Variants in NBAS observed in about 807,000 individuals in gnomAD.
The protein encoded by NBAS is NBAS subunit of NRZ tethering complex.
NBAS carries 219 observed loss-of-function variants against 302.5 expected under a neutral mutation model. The observed-to-expected ratio is 0.72, with a 90% CI of 0.65 to 0.81. The LOEUF (loss-of-function observed/expected upper bound fraction) is 0.81, where lower values mean the gene tolerates loss of function less well. Ranked by LOEUF, NBAS falls within the 30% of genes least tolerant of loss-of-function variation. The pLI is 0.00. For missense variants in NBAS, 2,932 were observed against 2,841.6 expected (o/e 1.03, Z -0.72); for synonymous variants, 1,118 against 1,021.6 (o/e 1.09, Z -1.80).
At chr2:15,219,126 C>T (rs1329736654) in intron 47 of NBAS, among the ~76,000 whole-genome samples, 158 bp from the exon 48 acceptor site, 8 of 152,054 alleles carry the variant, frequency 5.3e-5, no homozygotes, top group Non-Finnish European at 1.2e-4. Context: ...TGGCTTACAG[C>T]GAACTGTATT....
chr2:15,123,495 G>A, the NBAS span, among the ~76,000 whole-genome samples: 1 of 152,176 alleles, frequency 6.6e-6, no homozygotes, highest in Non-Finnish European at 1.5e-5. Context: ...GAACATTTGT[G>A]GTTCTCAATG....
At chr2:15,079,546 C>A in the NBAS span, among the ~76,000 whole-genome samples, 3 of 152,122 alleles carry the variant, frequency 2.0e-5, no homozygotes, top group African/African-American at 7.2e-5. Context: ...CACTGCTAAC[C>A]CAAACCTCTT....
intron 30 of NBAS, among the ~76,000 whole-genome samples, chr2:15,378,661 T>A (rs899761123): frequency 1.3e-5 from 2 of 152,206 alleles, no homozygotes; most frequent in African/African-American, 4.8e-5. Context: ...TATAGGAAAG[T>A]GTTGAATTTC....
intron 11 of NBAS, among the ~76,000 whole-genome samples, chr2:15,500,291 G>GA (rs1477418705): frequency 1.3e-5 from 2 of 151,922 alleles, no homozygotes; most frequent in Admixed American, 6.6e-5. Context: ...TATTCTTAAA[G>GA]AAAAAATACT....
intron 44 of NBAS, among the ~76,000 whole-genome samples, chr2:15,244,625 A>C (rs539559498): frequency 6.6e-6 from 1 of 151,992 alleles, no homozygotes; most frequent in Non-Finnish European, 1.5e-5. Context: ...GGTGTGGGGG[A>C]AACAGGGCAG....
chr2:14,960,447 A>T, the NBAS span, among the ~76,000 whole-genome samples: 1 of 152,226 alleles, frequency 6.6e-6, no homozygotes, highest in South Asian at 2.1e-4. Context: ...TTTGCCAGGC[A>T]TTATCCTAAA....
In NBAS at chr2:15,551,417, T is replaced by C. The variant is rs529468797; in HGVS notation, c.379+76A>G. The C allele has an allele frequency of 5.2e-6, 5 of 967,412 alleles. No individual in the cohort carries two copies. In the African/African-American group the frequency reaches 6.5e-5, roughly 13 times the overall value. 59.9% of individuals were successfully genotyped at this position (967,412 alleles called of 1,614,324 possible). On this transcript the variant is annotated intron_variant, in intron 6 of 51. Transcript: ENST00000281513. Reference sequence around the variant, plus strand: ...CTTGTTAATAAATATTTAATATCTATTCTAACTTTTAAGAAACATTGGAAA... The same window carrying C: ...CTTGTTAATAAATATTTAATATCTACTCTAACTTTTAAGAAACATTGGAAA...
chr2:15,152,485 G>C, the NBAS span, among the ~76,000 whole-genome samples: 4 of 152,228 alleles, frequency 2.6e-5, no homozygotes, highest in Admixed American at 2.6e-4. Flanking sequence ...GTAACAAGTA[G>C]CTGAGTCTCA....
intron 12 of NBAS, among the ~76,000 whole-genome samples, chr2:15,482,154 A>T (rs1680453107): frequency 1.3e-5 from 2 of 152,164 alleles, no homozygotes; most frequent in Non-Finnish European, 1.5e-5. Context: ...TAATTTAGAC[A>T]AGGTTTCTCT....
chr2:15,260,942 G>A (rs1460919712), intron 44 of NBAS, among the ~76,000 whole-genome samples: 1 of 152,188 alleles, frequency 6.6e-6, no homozygotes, highest in African/African-American at 2.4e-5. Context: ...CTAGTGGTCT[G>A]TTTTGCTTGT....
At chr2:15,228,808 G>A (rs1235186932) in intron 47 of NBAS, among the ~76,000 whole-genome samples, 1 of 152,164 alleles carries the variant, frequency 6.6e-6, no homozygotes, top group Non-Finnish European at 1.5e-5. Flanking sequence ...GGTGGTTGCT[G>A]GGAGTTGGGG....
the NBAS span, among the ~76,000 whole-genome samples, chr2:14,892,399 G>A: frequency 2.0e-5 from 3 of 152,172 alleles, no homozygotes; most frequent in African/African-American, 7.2e-5. Flanking sequence ...GGCACAATGG[G>A]CTCACAGGGC....
chr2:14,838,124 C>T, the NBAS span, among the ~76,000 whole-genome samples: 2 of 151,810 alleles, frequency 1.3e-5, no homozygotes, highest in African/African-American at 2.4e-5. Context: ...CCTGATAACG[C>T]TCATTTATTC....
chr2:15,281,308 T>C (rs1393565115), intron 42 of NBAS, among the ~76,000 whole-genome samples: 1 of 152,204 alleles, frequency 6.6e-6, no homozygotes, highest in Admixed American at 6.5e-5. Context: ...ACAAAAACAG[T>C]TTTAAGAAAC....
chr2:15,298,610 T>A (rs1278071861), intron 40 of NBAS, among the ~76,000 whole-genome samples: 1 of 152,180 alleles, frequency 6.6e-6, no homozygotes, highest in Non-Finnish European at 1.5e-5. Flanking sequence ...TCAAGAAATT[T>A]TACTGGTTAT....
chr2:15,449,218 C>T (rs902646657), intron 21 of NBAS, among the ~76,000 whole-genome samples: 1 of 152,070 alleles, frequency 6.6e-6, no homozygotes, highest in Admixed American at 6.5e-5. Flanking sequence ...CACACTAAAA[C>T]AGTAATAAAA....
At chr2:15,145,401 A>ATGTGTGTGTGTGTG in the NBAS span, among the ~76,000 whole-genome samples, 1 of 148,116 alleles carries the variant, frequency 6.8e-6, no homozygotes, top group Non-Finnish European at 1.5e-5. Context: ...GTTTGTTTGT[A>ATGTGTGTGTGTGTG]TGTGTGTGTG....
intron 31 of NBAS, among the ~76,000 whole-genome samples, chr2:15,368,252 T>C (rs1020151150): frequency 2.1e-5 from 3 of 141,222 alleles, no homozygotes; most frequent in Non-Finnish European, 3.0e-5. Flanking sequence ...CAGGCTGGAG[T>C]GCAGTGGCGT....
chr2:15,076,308 C>T, the NBAS span, among the ~76,000 whole-genome samples: 62 of 152,290 alleles, frequency 4.1e-4, no homozygotes, highest in Non-Finnish European at 7.1e-4. Flanking sequence ...CAAAAAAGTC[C>T]GTTGAGCAGA....
Sources: gnomAD v4.1 joint callset for allele counts (sites outside exome capture counted in the v4.1 genomes callset) on GRCh38, gnomAD v4.1.1 for gene constraint, MANE v1.5 for transcripts, NCBI Gene and HGNC (gene_info 2026-07-23, HGNC 2026-07-21) for gene names.